MYRIP: variants seen among roughly 807,000 people sequenced by gnomAD.
MYRIP encodes the protein rab effector MyRIP.
MYRIP carries 49 observed loss-of-function variants against 98.0 expected under a neutral mutation model. The observed-to-expected ratio is 0.50, with a 90% CI of 0.40 to 0.63. The LOEUF is 0.63. MYRIP is among the 30% of genes least tolerant of loss of function. The probability of loss-of-function intolerance (pLI) is 0.00; values close to 1 mark genes in which losing one functional copy is unlikely to be tolerated. For missense variants in MYRIP, 1,004 were observed against 1,058.2 expected, an observed-to-expected ratio of 0.95 and a Z score of 0.71; for synonymous variants, 404 against 409.5, an observed-to-expected ratio of 0.99 and a Z score of 0.16.
At chr3:40,199,819 A>G (rs1395747351) in intron 10 of MYRIP, among the ~76,000 whole-genome samples, 3 of 152,124 alleles carry the variant, frequency 2.0e-5, no homozygotes, top group Non-Finnish European at 4.4e-5. Flanking sequence ...CCACAAAAAT[A>G]AAAATAAAGA....
intron 2 of MYRIP, among the ~76,000 whole-genome samples, chr3:40,014,895 C>T (rs1946828307): frequency 6.6e-6 from 1 of 152,162 alleles, no homozygotes; most frequent in Non-Finnish European, 1.5e-5. Flanking sequence ...CTTGAGTTAC[C>T]TCTGGCACTT....
Position 40,151,099 on chromosome 3 carries a change from C to T in MYRIP, c.384C>T (p.Arg128=), listed in dbSNP as rs775715807. The change falls in exon 4 of 17, where the codon CGC becomes CGT. Residue 128 remains arginine (R), a synonymous_variant. Transcript: ENST00000302541. ...LEWFYNNVKS[R]FKRFGSAKVL... is the part of the protein sequence containing the mutation. ...GGTTCTACAATAATGTGAAGAGCCG[C>T]TTCAAGCGCTTTGGCAGTGCCAAGG... The T allele has an allele frequency of 1.0e-4, 162 of 1,610,716 alleles. 1 individual carries two copies. The highest frequency in any genetic ancestry group is 8.4e-4 in the Middle Eastern group (5 of 5,964).
intron 5 of MYRIP, among the ~76,000 whole-genome samples, chr3:40,164,757 A>G (rs1459269887): frequency 1.3e-5 from 2 of 152,052 alleles, no homozygotes; most frequent in Admixed American, 6.6e-5. Flanking sequence ...TTCACTTTTT[A>G]CCCAGTGTTC....
intron 3 of MYRIP, among the ~76,000 whole-genome samples, chr3:40,072,407 A>G (rs986361844): frequency 6.6e-6 from 1 of 151,934 alleles, no homozygotes; most frequent in Non-Finnish European, 1.5e-5. Context: ...CGGTTTCACA[A>G]TGCTGCCCAG....
intron 8 of MYRIP, among the ~76,000 whole-genome samples, chr3:40,175,497 C>G (rs1401146293): frequency 6.6e-6 from 1 of 152,222 alleles, no homozygotes. Context: ...TTGTCTACAT[C>G]CTGCTGCCCT....
rs540591646 is a variant in MYRIP at position 40,125,410 on chromosome 3, C to A, written c.333-25638C>A. On this transcript the variant is annotated intron_variant, in intron 3 of 16. Transcript: ENST00000302541. ...GAAAGATGTAGGCTGGGAGGCTAGG[C>A]CAGTCTTTCCTTTTCACATTTTTCT... 1.6e-4 allele frequency among the ~76,000 whole-genome samples: 25 copies of A among 152,240 alleles called. No individual in the cohort carries two copies. The South Asian group carries it at 4.8e-3, about 29-fold the overall frequency.
chr3:39,817,158 T>G (rs1484029614), intron 1 of MYRIP, among the ~76,000 whole-genome samples: 3 of 152,204 alleles, frequency 2.0e-5, no homozygotes, highest in African/African-American at 7.2e-5. Flanking sequence ...GTGAAACTGA[T>G]GAAACTAGGT....
rs1185539518 is a variant in MYRIP at position 40,204,045 on chromosome 3, A to T, written c.1666-5809A>T. ...ATATTATATATATTATATATTATAT[A>T]TAATATATTTATATATAATAAATAT... On this transcript the variant is annotated intron_variant, in intron 10 of 16. Transcript: ENST00000302541. Among the ~76,000 whole-genome samples the T allele has an allele frequency of 3.7e-4, 3 of 8,112 alleles. 1 individual carries two copies. The highest frequency in any genetic ancestry group is 5.3e-4 in the Non-Finnish European group (2 of 3,766). 5.3% of individuals were successfully genotyped at this position (8,112 alleles called of 152,430 possible).
intron 1 of MYRIP, among the ~76,000 whole-genome samples, chr3:39,890,112 A>G (rs1011720038): frequency 6.6e-6 from 1 of 151,878 alleles, no homozygotes; most frequent in African/African-American, 2.4e-5. Context: ...TCCTTCTTGA[A>G]AGGGTTCTCT....
At chr3:40,198,408 G>A (rs993789093) in intron 10 of MYRIP, among the ~76,000 whole-genome samples, 2 of 152,166 alleles carry the variant, frequency 1.3e-5, no homozygotes, top group African/African-American at 4.8e-5. Flanking sequence ...CAATTATTGT[G>A]ACTACTTAGA....
intron 2 of MYRIP, among the ~76,000 whole-genome samples, chr3:39,996,702 C>T (rs1946368059): frequency 6.6e-6 from 1 of 152,160 alleles, no homozygotes; most frequent in Non-Finnish European, 1.5e-5. Context: ...ATCTACAGAA[C>T]TCTCCACCTC....
intron 12 of MYRIP, among the ~76,000 whole-genome samples, chr3:40,243,558 T>C (rs1054926222): frequency 7.9e-5 from 12 of 152,222 alleles, no homozygotes; most frequent in African/African-American, 2.9e-4. Flanking sequence ...AGGTTTAGGA[T>C]TTTATATATG....
chr3:39,948,000 A>G (rs1348388201), intron 2 of MYRIP, among the ~76,000 whole-genome samples: 2 of 152,302 alleles, frequency 1.3e-5, no homozygotes, highest in East Asian at 3.9e-4. Flanking sequence ...TTTGAAGACT[A>G]TCAAGATGAC....
intron 1 of MYRIP, among the ~76,000 whole-genome samples, chr3:39,836,039 T>C (rs1043127518): frequency 2.6e-5 from 4 of 152,236 alleles, no homozygotes; most frequent in African/African-American, 9.6e-5. Context: ...TTGTGAATAG[T>C]GCTGCAGTAA....
At position 40,046,922 on chromosome 3, in the gene MYRIP, CAGTT is replaced by C. The variant is rs373169146; in HGVS notation, c.332+2655_332+2658del. Among the ~76,000 whole-genome samples the C allele has an allele frequency of 4.9e-4, 75 of 152,284 alleles. 1 individual carries two copies. The highest frequency in any genetic ancestry group is 1.8e-3 in the African/African-American group (74 of 41,562). On this transcript the variant is annotated intron_variant, in intron 3 of 16. Transcript: ENST00000302541. ...AAGAAAAGTCACCAAATTTACTAAA[CAGTT>C]AGTAGCAATAGAGTGCAGTCACAGC...
intron 2 of MYRIP, among the ~76,000 whole-genome samples, chr3:39,965,947 T>A (rs1945429697): frequency 6.6e-6 from 1 of 152,188 alleles, no homozygotes; most frequent in Non-Finnish European, 1.5e-5. Flanking sequence ...GTTCCTTTTG[T>A]GGTTGCAATG....
chr3:39,962,917 A>AT (rs1344823720), intron 2 of MYRIP, among the ~76,000 whole-genome samples: 2 of 152,002 alleles, frequency 1.3e-5, no homozygotes, highest in Non-Finnish European at 2.9e-5. Flanking sequence ...TAGATGATTG[A>AT]TTTTTTCAAT....
chr3:40,036,028 T>C (rs532155032), intron 2 of MYRIP, among the ~76,000 whole-genome samples: 1 of 151,708 alleles, frequency 6.6e-6, no homozygotes, highest in East Asian at 1.9e-4. Flanking sequence ...CAGAAAAGCT[T>C]TGAGATATAA....
chr3:40,197,495 A>C (rs573796760), intron 10 of MYRIP, among the ~76,000 whole-genome samples: 35 of 152,308 alleles, frequency 2.3e-4, no homozygotes, highest in Middle Eastern at 3.4e-3. Context: ...ATCTCTTTTG[A>C]ATATTAATTC....
Sources: allele counts gnomAD v4.1 joint callset (sites outside exome capture counted in the v4.1 genomes callset), GRCh38; gene constraint gnomAD v4.1.1; transcripts MANE v1.5; gene names NCBI Gene and HGNC (gene_info 2026-07-23, HGNC 2026-07-21).